The following AGO2 variants were observed in gnomAD, a reference collection of about 807,000 sequenced individuals.
The protein encoded by AGO2 is protein argonaute-2.
AGO2 carries 5 observed loss-of-function variants against 102.3 expected under a neutral mutation model. That is an observed-to-expected ratio of 0.05 (90% CI 0.03 to 0.10). The LOEUF (loss-of-function observed/expected upper bound fraction) is 0.10. Among genes scored for constraint, AGO2 ranks in the 10% least tolerant of loss-of-function variants. The pLI is 1.00. For missense variants in AGO2, 541 were observed against 1,183.7 expected (o/e 0.46, Z 7.97); for synonymous variants, 449 against 473.1 (o/e 0.95, Z 0.66).
In AGO2 at chr8:140,522,198, A is replaced by G. The variant is rs917128149; in HGVS notation, c.*9846T>C. 2 of 152,250 alleles carry G rather than the reference A, an allele frequency of 1.3e-5. No homozygotes were observed. The highest frequency in any genetic ancestry group is 4.8e-5 in the African/African-American group (2 of 41,470). The allele number at this position is 152,250 out of a possible 1,614,324, so 9.4% of individuals were successfully genotyped here. On this transcript the variant is annotated 3_prime_UTR_variant, in exon 19 of 19. Transcript: ENST00000220592. ...ATAAAAGGCACAAATAAATAAAAATATCATTAAATAAACGGAAATTACAAT... is the reference window on the plus strand; with the variant it reads ...ATAAAAGGCACAAATAAATAAAAATGTCATTAAATAAACGGAAATTACAAT...
At chr8:140,585,004 A>G (rs1413927878) in intron 2 of AGO2, 115 bp downstream of exon 2, 1 of 1,030,480 alleles carries the variant, frequency 9.7e-7, no homozygotes, top group East Asian at 2.7e-5. Flanking sequence ...TGCAGCTGAA[A>G]CGTTCTGGAA....
chr8:140,541,028 A>G (rs769406320), intron 15 of AGO2, 136 bp downstream of exon 15: 201 of 1,030,726 alleles, frequency 2.0e-4, no homozygotes, highest in Non-Finnish European at 2.5e-4. Context: ...ACCCCCTTCC[A>G]TGGTGTGACC....
chr8:140,584,423 T>C (rs917767841), intron 2 of AGO2, among the ~76,000 whole-genome samples: 1 of 152,194 alleles, frequency 6.6e-6, no homozygotes, highest in South Asian at 2.1e-4. Flanking sequence ...CACCATTTAT[T>C]TGGCAGGTTC....
intron 1 of AGO2, among the ~76,000 whole-genome samples, chr8:140,628,116 AG>A (rs1420706666): frequency 6.6e-6 from 1 of 152,366 alleles, no homozygotes; most frequent in East Asian, 1.9e-4. Flanking sequence ...CTAGGTCTTC[AG>A]GGCAGAGACC....
intron 16 of AGO2, among the ~76,000 whole-genome samples, chr8:140,535,919 C>T (rs982782176): frequency 1.3e-5 from 2 of 152,180 alleles, no homozygotes; most frequent in Non-Finnish European, 1.5e-5. Context: ...CTGTCACCAA[C>T]GTACACATCT....
rs765104914 is a variant in AGO2, at chr8:140,559,548, G to A, written c.656-19C>T. On this transcript the variant is annotated intron_variant, in intron 5 of 18. Transcript: ENST00000220592. ...GCTGACACTGTAGGCGAGAAAAGAG[G>A]CAAAGGCCTAAGCATGACTGTGGGG... 3.1e-6 allele frequency: 5 copies of A among 1,612,814 alleles called. No individual in the cohort carries two copies. The African/African-American group carries it at 5.4e-5, about 17-fold the overall frequency.
rs1054805445 is a variant in AGO2, at chr8:140,612,617, G to A, written c.22+22868C>T. ...CTCTGCTATAAATATAAAATTAGCCGGGTGTGGTGGCTGTAATCCCAGCTA... is the reference window on the plus strand; with the variant it reads ...CTCTGCTATAAATATAAAATTAGCCAGGTGTGGTGGCTGTAATCCCAGCTA... On this transcript the variant is annotated intron_variant, in intron 1 of 18. Transcript: ENST00000220592. Among the ~76,000 whole-genome samples the A allele has an allele frequency of 6.6e-5, 10 of 152,024 alleles. No homozygotes were observed. In the South Asian group the frequency reaches 1.3e-3, roughly 19 times the overall value.
the AGO2 span, among the ~76,000 whole-genome samples, chr8:140,641,663 A>T: frequency 4.6e-5 from 7 of 152,222 alleles, no homozygotes; most frequent in Non-Finnish European, 7.3e-5. Context: ...GGCTCACTGC[A>T]ACCTCCGCCT....
At chr8:140,603,156 G>A (rs552705327) in intron 1 of AGO2, among the ~76,000 whole-genome samples, 24 of 152,300 alleles carry the variant, frequency 1.6e-4, no homozygotes, top group Admixed American at 3.3e-4. Flanking sequence ...AGGCCCCCAC[G>A]GCGGCGTGGC....
intron 13 of AGO2, among the ~76,000 whole-genome samples, chr8:140,546,001 C>T (rs1296265033): frequency 4.6e-5 from 7 of 152,212 alleles, no homozygotes; most frequent in Admixed American, 2.0e-4. Flanking sequence ...GCCGCCTGTA[C>T]GATGGGCTCA....
At position 140,539,036 on chromosome 8, in the gene AGO2, G is replaced by C. The variant is rs1038477959; in HGVS notation, c.2169+284C>G. Among the ~76,000 whole-genome samples, 1 of 152,212 alleles carries C rather than the reference G, an allele frequency of 6.6e-6. No homozygotes were observed. Among genetic ancestry groups the C allele is most frequent in the Non-Finnish European group, 1.5e-5 (1 of 68,028 alleles). ...GAAGATCACTTGAGCCCAGGAGATA[G>C]AGGCTGCAGTAAGCTATGATCGCAC... On this transcript the variant is annotated intron_variant, in intron 16 of 18. Coordinates refer to ENST00000220592, the MANE Select transcript of AGO2 (RefSeq NM_012154.5). The surrounding 1 kb of genome is among the most constrained non-coding windows in gnomAD (Gnocchi z 4.7).
At chr8:140,547,684 C>A in intron 12 of AGO2, 57 bp from the exon 13 acceptor site, 1 of 1,560,682 alleles carries the variant, frequency 6.4e-7, no homozygotes. Context: ...CAGCTGGCCC[C>A]GAGAGCAGCA....
At chr8:140,637,521 C>T (rs1259272791), upstream of AGO2, 1 of 152,294 alleles carries the variant, frequency 6.6e-6, no homozygotes, top group African/African-American at 2.4e-5. Flanking sequence ...CATTGTGTCA[C>T]TTCTCTTTGG....
intron 10 of AGO2, 41 bp from the exon 11 acceptor site, chr8:140,551,477 A>C (rs2072994403): frequency 2.7e-6 from 4 of 1,475,308 alleles, no homozygotes; most frequent in Non-Finnish European, 3.6e-6. Context: ...AAAAATGGAA[A>C]ACATATTCCT....
intron 3 of AGO2, 42 bp from the exon 4 acceptor site, chr8:140,562,676 A>G (rs762364646): frequency 1.3e-6 from 2 of 1,585,572 alleles, no homozygotes; most frequent in South Asian, 1.1e-5. Context: ...CCTCCTGCGA[A>G]GCCCCAGGGA....
chr8:140,583,187 T>C (rs1251154349), intron 2 of AGO2, among the ~76,000 whole-genome samples: 2 of 152,248 alleles, frequency 1.3e-5, no homozygotes, highest in Non-Finnish European at 2.9e-5. Context: ...GCTCTAGGAC[T>C]TATAGCAGCA....
intron 14 of AGO2, among the ~76,000 whole-genome samples, chr8:140,543,594 T>G (rs2072839922): frequency 6.6e-6 from 1 of 152,198 alleles, no homozygotes; most frequent in Non-Finnish European, 1.5e-5. Flanking sequence ...TAGCAGGAAC[T>G]ACAGGCGCAC....
intron 2 of AGO2, among the ~76,000 whole-genome samples, chr8:140,576,331 A>C (rs2073462611): frequency 6.6e-6 from 1 of 152,216 alleles, no homozygotes; most frequent in African/African-American, 2.4e-5. Flanking sequence ...CAAACAAACA[A>C]AAACAAAAAG....
At chr8:140,535,071 A>G (rs956057774) in intron 17 of AGO2, among the ~76,000 whole-genome samples, 1 of 152,226 alleles carries the variant, frequency 6.6e-6, no homozygotes, top group Non-Finnish European at 1.5e-5. Flanking sequence ...GTGCTCGTGA[A>G]TCGACGCCAA....
Sources: allele counts gnomAD v4.1 joint callset (sites outside exome capture counted in the v4.1 genomes callset), GRCh38; gene constraint gnomAD v4.1.1; non-coding constraint Gnocchi (gnomAD v3.1); transcripts MANE v1.5; gene names NCBI Gene and HGNC (gene_info 2026-07-23, HGNC 2026-07-21).